Variants in RNF20 observed in about 807,000 individuals in gnomAD.
RNF20 encodes the protein ring finger protein 20, also known as E3 ubiquitin-protein ligase BRE1A.
In RNF20, 84 loss-of-function variants were observed where a neutral mutation model predicts 126.2. That is an observed-to-expected ratio of 0.67 (90% CI 0.56 to 0.80). The LOEUF is 0.80. Among genes scored for constraint, RNF20 ranks in the 30% least tolerant of loss-of-function variants. RNF20 has a pLI of 0.00. For synonymous variants in RNF20, 400 were observed against 414.3 expected (o/e 0.97, Z 0.42); for missense variants, 869 against 1,188.2 (o/e 0.73, Z 3.95).
rs1588216887 is a variant in RNF20, at chr9:101,540,534, G to A, written c.342G>A (p.Glu114=). The A allele has an allele frequency of 6.2e-7, 1 of 1,613,960 alleles. No homozygotes were observed. The highest frequency in any genetic ancestry group is 8.5e-7 in the Non-Finnish European group (1 of 1,179,996). The change falls in exon 4 of 20, where the codon GAG becomes GAA. Residue 114 remains glutamate, a synonymous_variant. Transcript: ENST00000389120. ...IRIILKRYDL[E]QGLGDLLTER... is the part of the protein sequence containing the mutation. ...TCATCCTTAAACGTTATGATCTGGA[G>A]CAGGGCTTGGGAGACCTACTCACAG...
At chr9:101,546,184 A>T (rs142312250) in intron 6 of RNF20, among the ~76,000 whole-genome samples, 128 of 152,318 alleles carry the variant, frequency 8.4e-4, no homozygotes, top group Admixed American at 1.8e-3. Context: ...GTCATGTTTT[A>T]AAACCTAGCA....
At chr9:101,543,998 GT>G (rs1489609175) in intron 5 of RNF20, among the ~76,000 whole-genome samples, 20 of 152,302 alleles carry the variant, frequency 1.3e-4, no homozygotes, top group Admixed American at 1.3e-3. Flanking sequence ...GATACTAAGA[GT>G]AATGCCAAGA....
intron 9 of RNF20, among the ~76,000 whole-genome samples, chr9:101,549,600 G>A (rs1827409136): frequency 6.6e-6 from 1 of 152,084 alleles, no homozygotes; most frequent in Admixed American, 6.5e-5. Flanking sequence ...CCCTTTCCTG[G>A]TCTGCTAAGT....
At position 101,547,234 on chromosome 9, in the gene RNF20, A is replaced by G; in HGVS notation, c.972+20A>G. 1 of 1,613,288 alleles carries G rather than the reference A, an allele frequency of 6.2e-7. No homozygotes were observed. Among genetic ancestry groups the G allele is most frequent in the Non-Finnish European group, 8.5e-7 (1 of 1,179,206 alleles). ...CGGAAGGTAAAATCAGTGACTCAGG[A>G]CATGTTTTGGACTGTATGTCAGCTT... On this transcript the variant is annotated intron_variant, in intron 8 of 19. Transcript: ENST00000389120.
At chr9:101,542,320 A>G (rs1827272676) in intron 5 of RNF20, among the ~76,000 whole-genome samples, 1 of 152,258 alleles carries the variant, frequency 6.6e-6, no homozygotes, top group Admixed American at 6.5e-5. Context: ...AAATAAGTAG[A>G]CTACAAAAGT....
chr9:101,547,335 A>G, intron 8 of RNF20, 64 bp from the exon 9 acceptor site: 4 of 1,608,870 alleles, frequency 2.5e-6, no homozygotes, highest in Non-Finnish European at 8.5e-7. Context: ...CAGTGAAGAA[A>G]GGAAGCTTAG....
intron 13 of RNF20, among the ~76,000 whole-genome samples, chr9:101,553,391 C>T (rs1255680030): frequency 2.0e-5 from 3 of 152,120 alleles, no homozygotes; most frequent in African/African-American, 7.2e-5. Flanking sequence ...ACTTGAGAGA[C>T]CACTGTGCTC....
chr9:101,541,770 G>A (rs1827263246), intron 5 of RNF20, among the ~76,000 whole-genome samples: 1 of 152,154 alleles, frequency 6.6e-6, no homozygotes, highest in Non-Finnish European at 1.5e-5. Flanking sequence ...AGGTTTTAGA[G>A]TTGACAGATG....
chr9:101,554,398 G>T (rs886746166), intron 14 of RNF20, among the ~76,000 whole-genome samples: 1 of 152,016 alleles, frequency 6.6e-6, no homozygotes, highest in Non-Finnish European at 1.5e-5. Context: ...CTTTTGGGAG[G>T]AATGTCTTAT....
intron 18 of RNF20, chr9:101,561,465 A>G: frequency 2.0e-6 from 1 of 489,676 alleles, no homozygotes; most frequent in Admixed American, 3.9e-5. Context: ...GAATTAGTAA[A>G]TTGTTAAAGA....
Position 101,547,155 on chromosome 9 carries a change from A to G in RNF20, c.913A>G (p.Lys305Glu). Residue 305 changes from lysine to glutamate, a missense_variant, in exon 8 of 20, where the codon AAG (lysine) becomes GAG (glutamate). By Grantham distance (56) the Lys-to-Glu change is moderately conservative. Around this residue, in one of 8 missense-constraint regions of RNF20, gnomAD observed 153 missense variants for 226.4 expected, o/e 0.68. Transcript: ENST00000389120. Reference sequence around the variant, plus strand: ...TCTGTAGGTGAATTCCAAAGGTTATAAGGTGTATGGAGCGGGGAGCAGTCT... The same window carrying G: ...TCTGTAGGTGAATTCCAAAGGTTATGAGGTGTATGGAGCGGGGAGCAGTCT... ...VLERVNSKGY[K>E]VYGAGSSLYG... is the part of the protein sequence containing the mutation. 6.2e-7 allele frequency: 1 copy of G among 1,614,126 alleles called. No individual in the cohort carries two copies.
intron 8 of RNF20, 26 bp from the exon 9 acceptor site, chr9:101,547,373 T>C (rs752758518): frequency 6.2e-7 from 1 of 1,613,216 alleles, no homozygotes; most frequent in East Asian, 2.2e-5. Flanking sequence ...TACTTATTTA[T>C]TCTCTATTTT....
intron 1 of RNF20, among the ~76,000 whole-genome samples, chr9:101,534,840 TTTCTTATCACCA>T (rs1230719740): frequency 6.6e-6 from 1 of 152,178 alleles, no homozygotes. Context: ...CATTGTCTCA[TTTCTTATCACCA>T]TTCTTATCAC....
Position 101,559,409 on chromosome 9 carries a change from G to A in RNF20, c.2383-1392G>A, listed in dbSNP as rs568927200. On this transcript the variant is annotated intron_variant, in intron 16 of 19. Coordinates refer to ENST00000389120, the MANE Select transcript of RNF20 (RefSeq NM_019592.7). Reference sequence around the variant, plus strand: ...TTTTTTGGTTCCATATGCGTTTTAGGATTGTTTGTTCTAGTTCCGTGAAGA... The same window carrying A: ...TTTTTTGGTTCCATATGCGTTTTAGAATTGTTTGTTCTAGTTCCGTGAAGA... 3.3e-5 allele frequency among the ~76,000 whole-genome samples: 5 copies of A among 152,142 alleles called. No individual in the cohort carries two copies. In the South Asian group the frequency reaches 8.3e-4, roughly 25 times the overall value.
Position 101,540,520 on chromosome 9 carries a change from C to G in RNF20, c.328C>G (p.Arg110Gly). 1 of 1,613,894 alleles carries G rather than the reference C, an allele frequency of 6.2e-7. No homozygotes were observed. The highest frequency in any genetic ancestry group is 8.5e-7 in the Non-Finnish European group (1 of 1,179,960). The change falls in exon 4 of 20, where the codon CGT becomes GGT. Residue 110 changes from arginine to glycine, a missense_variant. This residue lies in a region of RNF20 where 157 missense variants were observed against 236.0 expected (regional missense o/e 0.67). Coordinates refer to ENST00000389120, the MANE Select transcript of RNF20 (RefSeq NM_019592.7). ...TGAAAACATCCGTATCATCCTTAAA[C>G]GTTATGATCTGGAGCAGGGCTTGGG... ...FDENIRIILK[R>G]YDLEQGLGDL...
intron 9 of RNF20, among the ~76,000 whole-genome samples, chr9:101,549,900 T>C (rs1827415028): frequency 6.6e-6 from 1 of 152,260 alleles, no homozygotes; most frequent in Non-Finnish European, 1.5e-5. Context: ...GATATTCATA[T>C]ATAATCATAT....
At chr9:101,553,219 C>CTA (rs1827477479) in intron 13 of RNF20, among the ~76,000 whole-genome samples, 1 of 152,156 alleles carries the variant, frequency 6.6e-6, no homozygotes, top group Non-Finnish European at 1.5e-5. Context: ...AGATTTACTC[C>CTA]TATACACATT....
At chr9:101,560,753 T>A (rs778971848) in intron 16 of RNF20, 48 bp from the exon 17 acceptor site, 5 of 1,547,546 alleles carry the variant, frequency 3.2e-6, no homozygotes, top group Non-Finnish European at 4.3e-6. Flanking sequence ...GTTTTTTTTC[T>A]TTTTTTAATC....
At position 101,552,593 on chromosome 9, in the gene RNF20, G is replaced by A; in HGVS notation, c.1741G>A (p.Glu581Lys). 6.3e-7 allele frequency: 1 copy of A among 1,582,210 alleles called. No individual in the cohort carries two copies. Residue 581 changes from glutamate (E) to lysine (K), a missense_variant, in exon 13 of 20, where the codon GAA (glutamate) becomes AAA (lysine). Glu to Lys is a moderately conservative substitution (Grantham distance 56). This residue lies in a region of RNF20 where 231 missense variants were observed against 263.6 expected (regional missense o/e 0.88). Transcript: ENST00000389120. The stretch of plus-strand genomic sequence containing the variant: ...AAGGAGGGAGAAGGAGAGGGAACGA[G>A]AAAGAGAACGGGAGAAGGAGAAGGA... Reference protein sequence around the residue: ...RERREKEREREREREKEKERE... With the variant: ...RERREKERERKREREKEKERE...
Sources: allele counts gnomAD v4.1 joint callset (sites outside exome capture counted in the v4.1 genomes callset), GRCh38; gene constraint gnomAD v4.1.1; regional missense constraint gnomAD v4.1.1; transcripts MANE v1.5; gene names NCBI Gene and HGNC (gene_info 2026-07-23, HGNC 2026-07-21).